CHRDL2: variants seen among roughly 807,000 people sequenced by gnomAD.
CHRDL2 encodes the protein chordin-like protein 2.
CHRDL2 carries 41 observed loss-of-function variants against 54.3 expected under a neutral mutation model. The observed-to-expected ratio is 0.76, with a 90% CI of 0.59 to 0.98. CHRDL2 has a LOEUF of 0.98. Among genes scored for constraint, CHRDL2 ranks in the 50% least tolerant of loss-of-function variants. The probability of loss-of-function intolerance (pLI) is 0.00; values close to 1 mark genes in which losing one functional copy is unlikely to be tolerated. For missense variants in CHRDL2, 518 were observed against 562.4 expected, an observed-to-expected ratio of 0.92 and a Z score of 0.80; for synonymous variants, 220 against 224.3, an observed-to-expected ratio of 0.98 and a Z score of 0.17.
intron 1 of CHRDL2, among the ~76,000 whole-genome samples, chr11:74,726,929 C>T (rs1459550009): frequency 6.6e-6 from 1 of 152,202 alleles, no homozygotes; most frequent in African/African-American, 2.4e-5. Flanking sequence ...TCTGGCCGGT[C>T]TCCCACTACC....
Position 74,703,360 on chromosome 11 carries a change from C to T in CHRDL2, c.891G>A (p.Glu297=). The change falls in exon 8 of 11, where the codon GAG becomes GAA. Residue 297 remains glutamate (E), a synonymous_variant. Transcript: ENST00000376332. Reference sequence around the variant, plus strand: ...CTTTCTCGGGGTGACGGCAGGGGTACTCGGTGGGACAGGTCACACGCTGGC... The same window carrying T: ...CTTTCTCGGGGTGACGGCAGGGGTATTCGGTGGGACAGGTCACACGCTGGC... The part of the protein sequence containing the change: ...QDCQRVTCPT[E]YPCRHPEKVA... 1 of 1,613,362 alleles carries T rather than the reference C, an allele frequency of 6.2e-7. No homozygotes were observed.
chr11:74,721,729 A>G (rs1437262923), intron 1 of CHRDL2, among the ~76,000 whole-genome samples: 1 of 152,248 alleles, frequency 6.6e-6, no homozygotes, highest in Non-Finnish European at 1.5e-5. Flanking sequence ...TCTTTAAGCC[A>G]CAAGTTCACT....
At chr11:74,726,093 A>G (rs150063344) in intron 1 of CHRDL2, among the ~76,000 whole-genome samples, 2 of 152,326 alleles carry the variant, frequency 1.3e-5, no homozygotes, top group Admixed American at 6.5e-5. Context: ...GGCACATGAC[A>G]GACATACAGG....
intron 7 of CHRDL2, among the ~76,000 whole-genome samples, 180 bp downstream of exon 7, chr11:74,704,306 C>G (rs2033928464): frequency 6.6e-6 from 1 of 152,098 alleles, no homozygotes; most frequent in Admixed American, 6.6e-5. Flanking sequence ...GGGGTTTGAA[C>G]CTGATGATCT....
At chr11:74,724,348 G>A (rs1369784132) in intron 1 of CHRDL2, among the ~76,000 whole-genome samples, 3 of 152,262 alleles carry the variant, frequency 2.0e-5, no homozygotes, top group African/African-American at 7.2e-5. Context: ...ATGGGCCACA[G>A]CCAAATCTCT....
At chr11:74,711,177 A>C (rs965463181) in intron 3 of CHRDL2, among the ~76,000 whole-genome samples, 186 bp from the exon 4 acceptor site, 1 of 152,078 alleles carries the variant, frequency 6.6e-6, no homozygotes, top group Non-Finnish European at 1.5e-5. Context: ...TCTGATACCT[A>C]CATCTGACTG....
chr11:74,706,228 T>C (rs2034005201), intron 6 of CHRDL2, among the ~76,000 whole-genome samples: 1 of 152,014 alleles, frequency 6.6e-6, no homozygotes, highest in East Asian at 1.9e-4. Flanking sequence ...AAGAGGAAAG[T>C]GAGGAAGTTT....
At chr11:74,697,399 C>T (rs2053446870) in intron 9 of CHRDL2, 102 bp from the exon 10 acceptor site, 1 of 762,698 alleles carries the variant, frequency 1.3e-6, no homozygotes, top group Non-Finnish European at 2.3e-6. Context: ...ATCACTCCCT[C>T]CCCCACCCCA....
At chr11:74,696,626 C>G in intron 10 of CHRDL2, 41 bp from the exon 11 acceptor site, 1 of 1,458,544 alleles carries the variant, frequency 6.9e-7, no homozygotes, top group South Asian at 1.1e-5. Context: ...GCGTATGTGT[C>G]TGCACGTGCA....
chr11:74,699,236 G>A (rs1183527758), intron 9 of CHRDL2: 1 of 152,332 alleles, frequency 6.6e-6, no homozygotes, highest in Non-Finnish European at 1.5e-5. Context: ...AAGGTGGCAG[G>A]GATGAGGGCG....
chr11:74,718,741 GCAGTACAT>G lies in CHRDL2; in HGVS notation c.166_173del (p.Met56ProfsTer70), dbSNP rs2135270939. On this transcript the variant is annotated frameshift_variant, in exon 2 of 11. Transcript: ENST00000376332. LOFTEE classifies it high-confidence loss of function. ...CTACCTCTGAGCAGGTACAGCGCAG[GCAGTACAT>G]CAGGCCTTGTGGCTCCAAGTAGGGG... is the stretch of plus-strand genomic sequence containing the variant. 1 of 1,613,030 alleles carries G rather than the reference GCAGTACAT, an allele frequency of 6.2e-7. No individual in the cohort carries two copies. The highest frequency in any genetic ancestry group is 1.1e-5 in the South Asian group (1 of 90,908).
rs531026230 is a variant in CHRDL2 at position 74,716,084 on chromosome 11, A to T, written c.196-2605T>A. On this transcript the variant is annotated intron_variant, in intron 2 of 10. Transcript: ENST00000376332. ...AGGGAAGGCTTTATAAGGAGGAAAC[A>T]TTTGTGTTATGAACTGGGAGATGAG... is the stretch of plus-strand genomic sequence containing the variant. Among the ~76,000 whole-genome samples, 16 of 152,342 alleles carry T rather than the reference A, an allele frequency of 1.1e-4. No individual in the cohort carries two copies. In the South Asian group the frequency reaches 3.3e-3, roughly 32 times the overall value.
intron 2 of CHRDL2, among the ~76,000 whole-genome samples, chr11:74,715,514 T>G (rs771216762): frequency 6.8e-6 from 1 of 147,376 alleles, no homozygotes; most frequent in Non-Finnish European, 1.5e-5. Context: ...GAGGCAGAAG[T>G]ATTGCTTGAA....
chr11:74,705,915 T>G (rs2033995100), intron 6 of CHRDL2, among the ~76,000 whole-genome samples: 1 of 151,914 alleles, frequency 6.6e-6, no homozygotes, highest in Admixed American at 6.6e-5. Context: ...AAATAGCAGG[T>G]GGAGTTGTTC....
At chr11:74,703,553 G>A in intron 7 of CHRDL2, 54 bp from the exon 8 acceptor site, 26 of 1,460,314 alleles carry the variant, frequency 1.8e-5, no homozygotes, top group Non-Finnish European at 2.4e-5. Flanking sequence ...CCTGGCCAGG[G>A]CCTCTGGTCC....
chr11:74,697,178 G>C (rs1445578533), intron 10 of CHRDL2, 27 bp downstream of exon 10: 13 of 1,579,408 alleles, frequency 8.2e-6, no homozygotes, highest in Non-Finnish European at 1.1e-5. Context: ...TCCTGCCCCG[G>C]CCCCATTCCT....
chr11:74,703,016 C>A, intron 8 of CHRDL2, 49 bp from the exon 9 acceptor site: 1 of 1,497,318 alleles, frequency 6.7e-7, no homozygotes, highest in Non-Finnish European at 9.0e-7. Flanking sequence ...TTGGCTGTAC[C>A]TCTTCAAAGC....
chr11:74,704,589 G>C lies in CHRDL2; in HGVS notation c.648C>G (p.Pro216=), dbSNP rs149225310. 264 of 1,595,100 alleles carry C rather than the reference G, an allele frequency of 1.7e-4. 2 individuals are homozygous for C. The South Asian group carries it at 1.9e-3, about 12-fold the overall frequency. ...AGCTCAGAGGGGCGCTGAGGCCAGT[G>C]GGGGCTGGGGTGCCCGGGCCTCTCT... ...GRKRGPGTPA[P]TGLSAPLSFI... is the part of the protein sequence containing the mutation. Residue 216 remains proline (P), a synonymous_variant, in exon 7 of 11, where the codon CCC becomes CCG. Coordinates refer to ENST00000376332, the MANE Select transcript of CHRDL2 (RefSeq NM_001278473.3).
At chr11:74,727,023 C>T (rs1483106442) in intron 1 of CHRDL2, among the ~76,000 whole-genome samples, 7 of 152,182 alleles carry the variant, frequency 4.6e-5, no homozygotes. Flanking sequence ...GCAGGAGTAC[C>T]ACCCTCCCAC....
Sources: gnomAD v4.1 joint callset for allele counts (sites outside exome capture counted in the v4.1 genomes callset) on GRCh38, gnomAD v4.1.1 for gene constraint, MANE v1.5 for transcripts, NCBI Gene and HGNC (gene_info 2026-07-23, HGNC 2026-07-21) for gene names.